Variants in AKAP7 observed in about 807,000 individuals in gnomAD.
AKAP7 encodes the protein A kinase (PRKA) anchor protein 7.
Under a neutral mutation model 39.5 loss-of-function variants are expected in AKAP7, and 39 were observed. That is an observed-to-expected ratio of 0.99 (90% CI 0.76 to 1.29). AKAP7 has a LOEUF of 1.29. Ranked by LOEUF, AKAP7 falls within the 50% of genes most tolerant of loss-of-function variation. The pLI, the probability that AKAP7 is intolerant of heterozygous loss-of-function variation, is 0.00. For synonymous variants in AKAP7, 140 were observed against 139.1 expected (o/e 1.01, Z -0.05); for missense variants, 414 against 407.7 (o/e 1.02, Z -0.13).
intron 2 of AKAP7, among the ~76,000 whole-genome samples, chr6:131,159,443 T>C (rs2128237375): frequency 6.6e-6 from 1 of 152,270 alleles, no homozygotes; most frequent in South Asian, 2.1e-4. Flanking sequence ...ATGGATACTT[T>C]TGTAAAATAC....
intron 6 of AKAP7, among the ~76,000 whole-genome samples, chr6:131,205,374 C>T (rs141692188): frequency 2.6e-5 from 4 of 151,894 alleles, no homozygotes; most frequent in African/African-American, 9.7e-5. Flanking sequence ...CATTCACCCC[C>T]TGGGAGGTCG....
In AKAP7 at chr6:131,140,144, A is replaced by G. The variant is rs540730311; in HGVS notation, c.19+4362A>G. Among the ~76,000 whole-genome samples, 5 of 152,314 alleles carry G rather than the reference A, an allele frequency of 3.3e-5. No homozygotes were observed. In the East Asian group the frequency reaches 7.7e-4, roughly 24 times the overall value. ...GGATCTTCTGGAGCAGTGGTTTTCA[A>G]TTGGAAAACCACTCTTGCACATCGG... On this transcript the variant is annotated intron_variant, in intron 1 of 7. Transcript: ENST00000431975.
intron 7 of AKAP7, among the ~76,000 whole-genome samples, chr6:131,277,164 GAAGTTGATTGAA>G (rs1296602873): frequency 1.3e-5 from 2 of 152,062 alleles, no homozygotes; most frequent in African/African-American, 4.8e-5. Flanking sequence ...TTGCTTACCT[GAAGTTGATTGAA>G]AAGTTTCTTA....
intron 7 of AKAP7, among the ~76,000 whole-genome samples, chr6:131,279,587 A>T (rs1219289549): frequency 6.6e-6 from 1 of 152,164 alleles, no homozygotes; most frequent in Non-Finnish European, 1.5e-5. Context: ...TTTTGTAGGA[A>T]GATTCTTGTG....
intron 7 of AKAP7, chr6:131,250,013 AC>A (rs1812311106): frequency 4.5e-6 from 1 of 221,780 alleles, no homozygotes; most frequent in Non-Finnish European, 7.6e-6. Flanking sequence ...AGTTAATGGT[AC>A]TTCATACAAG....
intron 7 of AKAP7, among the ~76,000 whole-genome samples, chr6:131,239,946 G>T (rs1269518100): frequency 3.9e-5 from 6 of 152,210 alleles, no homozygotes; most frequent in Admixed American, 2.6e-4. Context: ...TCCGTTGCTG[G>T]TGAGGAGCTG....
At chr6:131,260,551 C>G (rs1813228097) in intron 7 of AKAP7, among the ~76,000 whole-genome samples, 1 of 152,162 alleles carries the variant, frequency 6.6e-6, no homozygotes, top group Non-Finnish European at 1.5e-5. Context: ...CTCTAATGAT[C>G]AGTGATGCTG....
At chr6:131,236,623 C>A (rs1006512600) in intron 7 of AKAP7, among the ~76,000 whole-genome samples, 13 of 152,246 alleles carry the variant, frequency 8.5e-5, no homozygotes, top group South Asian at 8.3e-4. Flanking sequence ...TCCTTCATGT[C>A]CCTTGTAAGT....
the AKAP7 span, among the ~76,000 whole-genome samples, chr6:131,125,865 C>G: frequency 1.3e-5 from 2 of 152,252 alleles, no homozygotes; most frequent in African/African-American, 2.4e-5. Flanking sequence ...CTTGTTTCCC[C>G]CTTTTCTCGC....
intron 2 of AKAP7, among the ~76,000 whole-genome samples, chr6:131,154,622 T>G (rs1177487927): frequency 6.6e-6 from 1 of 152,104 alleles, no homozygotes; most frequent in Admixed American, 6.6e-5. Context: ...CTGTAAATAC[T>G]TTAGTATATT....
intron 7 of AKAP7, among the ~76,000 whole-genome samples, chr6:131,251,764 A>G (rs1260345321): frequency 6.6e-6 from 1 of 152,262 alleles, no homozygotes; most frequent in Non-Finnish European, 1.5e-5. Flanking sequence ...AGTGTGTGAC[A>G]GTCCTGCTCT....
At chr6:131,241,627 G>GTATATATACGTATA (rs1811618223) in intron 7 of AKAP7, among the ~76,000 whole-genome samples, 4 of 86,664 alleles carry the variant, frequency 4.6e-5, no homozygotes, top group South Asian at 3.7e-4. Context: ...GTGTGTGTGT[G>GTATATATACGTATA]TATATATATA....
intron 7 of AKAP7, among the ~76,000 whole-genome samples, chr6:131,261,980 A>G (rs1317877034): frequency 6.6e-6 from 1 of 152,188 alleles, no homozygotes; most frequent in Admixed American, 6.5e-5. Flanking sequence ...AAGGACCCCC[A>G]CATAGCCGAG....
At chr6:131,271,933 A>G (rs1442548093) in intron 7 of AKAP7, among the ~76,000 whole-genome samples, 2 of 152,188 alleles carry the variant, frequency 1.3e-5, no homozygotes, top group African/African-American at 4.8e-5. Context: ...TAAATTACAT[A>G]TAGTTCCAGT....
intron 4 of AKAP7, among the ~76,000 whole-genome samples, chr6:131,166,110 T>C (rs1031910593): frequency 6.6e-5 from 10 of 152,170 alleles, no homozygotes; most frequent in African/African-American, 2.4e-4. Context: ...ATTATTGTAG[T>C]TATGTCTTTT....
chr6:131,175,578 A>G (rs2128249761), intron 5 of AKAP7, among the ~76,000 whole-genome samples: 1 of 152,328 alleles, frequency 6.6e-6, no homozygotes, highest in South Asian at 2.1e-4. Flanking sequence ...TTGAACTAGT[A>G]AAGTCTAAAT....
chr6:131,129,284 C>CAAAA, the AKAP7 span, among the ~76,000 whole-genome samples: 3 of 130,908 alleles, frequency 2.3e-5, no homozygotes, highest in East Asian at 2.2e-4. Flanking sequence ...AAGACTCTGT[C>CAAAA]AAAAAAAAAA....
At chr6:131,141,793 G>A (rs943549280) in intron 1 of AKAP7, among the ~76,000 whole-genome samples, 5 of 152,130 alleles carry the variant, frequency 3.3e-5, no homozygotes, top group Non-Finnish European at 7.4e-5. Flanking sequence ...TTATGCCCTA[G>A]CAAAGAATTT....
At chr6:131,162,651 C>T (rs975312582) in intron 3 of AKAP7, among the ~76,000 whole-genome samples, 7 of 152,194 alleles carry the variant, frequency 4.6e-5, no homozygotes, top group African/African-American at 1.7e-4. Flanking sequence ...GTTCGTCTCT[C>T]CTTCAGCCCT....
Sources: allele counts gnomAD v4.1 joint callset (sites outside exome capture counted in the v4.1 genomes callset), GRCh38; gene constraint gnomAD v4.1.1; transcripts MANE v1.5; gene names NCBI Gene and HGNC (gene_info 2026-07-23, HGNC 2026-07-21).